EYS: variants seen among roughly 807,000 people sequenced by gnomAD.
The protein encoded by EYS is protein eyes shut homolog.
Under a neutral mutation model 282.1 loss-of-function variants are expected in EYS, and 250 were observed. The observed-to-expected ratio is 0.89, with a 90% CI of 0.80 to 0.98. EYS has a LOEUF of 0.98. EYS is among the 50% of genes least tolerant of loss of function. The pLI is 0.00. For missense variants in EYS, 4,016 were observed against 3,709.0 expected (o/e 1.08, Z -2.15); for synonymous variants, 1,355 against 1,282.9 (o/e 1.06, Z -1.20).
chr6:63,944,302 A>G (rs1326425237), intron 35 of EYS, among the ~76,000 whole-genome samples: 1 of 152,208 alleles, frequency 6.6e-6, no homozygotes, highest in African/African-American at 2.4e-5. Flanking sequence ...GTGTTTTCAG[A>G]TATATAATAA....
intron 2 of EYS, among the ~76,000 whole-genome samples, chr6:65,550,156 T>TATCTCGACTAC (rs1266252091): frequency 1.2e-4 from 1 of 8,506 alleles, no homozygotes; most frequent in Admixed American, 2.5e-3. Flanking sequence ...TTTTTTTTTT[T>TATCTCGACTAC]TTTTTTTTTT....
chr6:65,610,108 A>G (rs1377954075), intron 2 of EYS, among the ~76,000 whole-genome samples: 1 of 151,944 alleles, frequency 6.6e-6, no homozygotes, highest in Admixed American at 6.6e-5. Flanking sequence ...GTATCTTACT[A>G]AGTTGTCCAG....
chr6:65,415,370 T>C (rs970399839), intron 5 of EYS, among the ~76,000 whole-genome samples: 1 of 152,024 alleles, frequency 6.6e-6, no homozygotes, highest in African/African-American at 2.4e-5. Context: ...TAAATAAAAA[T>C]TTGTGAAGCA....
intron 36 of EYS, among the ~76,000 whole-genome samples, chr6:63,843,083 C>T (rs74532499): frequency 0.12 from 18,309 of 152,118 alleles, 1,328 homozygotes; most frequent in African/African-American, 0.19. Context: ...ATTGTCTTGG[C>T]TATACAAGCT....
chr6:64,331,079 A>T (rs1770630283), intron 29 of EYS, among the ~76,000 whole-genome samples: 1 of 152,188 alleles, frequency 6.6e-6, no homozygotes, highest in African/African-American at 2.4e-5. Context: ...TGAATTCAGT[A>T]GCTGAAGCCT....
At chr6:65,362,897 AAG>A (rs1212884486) in intron 8 of EYS, among the ~76,000 whole-genome samples, 3 of 152,092 alleles carry the variant, frequency 2.0e-5, no homozygotes, top group African/African-American at 7.2e-5. Flanking sequence ...AATTCAAAAA[AAG>A]AAAATTAGAA....
intron 26 of EYS, among the ~76,000 whole-genome samples, chr6:64,493,372 T>C (rs1165371561): frequency 6.6e-6 from 1 of 151,432 alleles, no homozygotes; most frequent in African/African-American, 2.4e-5. Flanking sequence ...GGATTATAAA[T>C]AAGAACAGGC....
chr6:64,010,433 C>T (rs1446195773), intron 33 of EYS, among the ~76,000 whole-genome samples: 1 of 151,272 alleles, frequency 6.6e-6, no homozygotes, highest in African/African-American at 2.4e-5. Flanking sequence ...GGGGACAGGG[C>T]TGTGGCCTGT....
intron 12 of EYS, among the ~76,000 whole-genome samples, chr6:65,220,481 A>C (rs487589): frequency 0.021 from 3,265 of 152,218 alleles, 108 homozygotes; most frequent in African/African-American, 0.075. Flanking sequence ...CCTGCCTGTC[A>C]CCATGTAAGA....
At chr6:64,800,367 T>C (rs1774499850) in intron 22 of EYS, among the ~76,000 whole-genome samples, 1 of 152,012 alleles carries the variant, frequency 6.6e-6, no homozygotes, top group Non-Finnish European at 1.5e-5. Flanking sequence ...TAGGCAGAGA[T>C]CAAATTCTGA....
chr6:63,833,305 T>C (rs979413248), intron 36 of EYS, among the ~76,000 whole-genome samples: 2 of 152,190 alleles, frequency 1.3e-5, no homozygotes, highest in African/African-American at 4.8e-5. Flanking sequence ...CATGATTGTA[T>C]ATTTAGAAAA....
intron 33 of EYS, among the ~76,000 whole-genome samples, chr6:64,054,051 T>C (rs2149846113): frequency 6.6e-6 from 1 of 152,302 alleles, no homozygotes; most frequent in African/African-American, 2.4e-5. Flanking sequence ...GTTTATATTG[T>C]GTTGATTTAG....
chr6:64,915,008 G>C (rs1768115946), intron 15 of EYS, among the ~76,000 whole-genome samples: 1 of 151,734 alleles, frequency 6.6e-6, no homozygotes, highest in Non-Finnish European at 1.5e-5. Flanking sequence ...TAATTATTTT[G>C]GTGACTTTCC....
chr6:65,251,835 A>G (rs1365466045), intron 12 of EYS, among the ~76,000 whole-genome samples: 1 of 151,932 alleles, frequency 6.6e-6, no homozygotes, highest in Admixed American at 6.6e-5. Flanking sequence ...TAAAGAGAAT[A>G]CCAGATTCCT....
intron 22 of EYS, among the ~76,000 whole-genome samples, chr6:64,662,584 C>T (rs1424341743): frequency 6.6e-6 from 1 of 152,128 alleles, no homozygotes; most frequent in African/African-American, 2.4e-5. Flanking sequence ...AGTGAATACA[C>T]AACTCTTCAA....
intron 26 of EYS, among the ~76,000 whole-genome samples, chr6:64,495,945 A>G (rs1324910646): frequency 1.3e-5 from 2 of 151,830 alleles, no homozygotes; most frequent in African/African-American, 4.8e-5. Flanking sequence ...CCTGAAAAAC[A>G]CATACAAAAG....
chr6:64,826,763 C>A (rs1225728513), intron 19 of EYS, among the ~76,000 whole-genome samples: 1 of 149,628 alleles, frequency 6.7e-6, no homozygotes, highest in Non-Finnish European at 1.5e-5. Flanking sequence ...TCTTCATTCC[C>A]TTTTTACCCA....
intron 33 of EYS, among the ~76,000 whole-genome samples, chr6:64,024,961 G>A (rs894381001): frequency 2.0e-5 from 3 of 152,164 alleles, no homozygotes; most frequent in African/African-American, 4.8e-5. Context: ...GACCACGAAG[G>A]GACTTTCGCC....
At chr6:64,093,403 A>G (rs1351332887) in intron 31 of EYS, among the ~76,000 whole-genome samples, 1 of 152,110 alleles carries the variant, frequency 6.6e-6, no homozygotes, top group African/African-American at 2.4e-5. Flanking sequence ...ATGTTCTTCT[A>G]TGTGTTTGTA....
Sources: gnomAD v4.1 joint callset for allele counts (sites outside exome capture counted in the v4.1 genomes callset) on GRCh38, gnomAD v4.1.1 for gene constraint, MANE v1.5 for transcripts, NCBI Gene and HGNC (gene_info 2026-07-23, HGNC 2026-07-21) for gene names.